The following HGD variants were observed in gnomAD, a reference collection of about 807,000 sequenced individuals.
HGD encodes homogentisate oxidase.
HGD carries 61 observed loss-of-function variants against 60.8 expected under a neutral mutation model. That is an observed-to-expected ratio of 1.00 (90% CI 0.82 to 1.24). The LOEUF is 1.24. Ranked by LOEUF, HGD falls within the 50% of genes most tolerant of loss-of-function variation. HGD has a pLI of 0.00. For missense variants in HGD, 542 were observed against 547.1 expected (o/e 0.99, Z 0.09); for synonymous variants, 212 against 187.7 (o/e 1.13, Z -1.06).
At chr3:120,634,284 A>G (rs1161449277) in intron 12 of HGD, among the ~76,000 whole-genome samples, 1 of 152,226 alleles carries the variant, frequency 6.6e-6, no homozygotes, top group Non-Finnish European at 1.5e-5. Flanking sequence ...AGAGTCACAC[A>G]AAATTTAACA....
chr3:120,628,228 C>T lies in HGD; in HGVS notation c.*152G>A, dbSNP rs542329785. On this transcript the variant is annotated 3_prime_UTR_variant, in exon 14 of 14. Transcript: ENST00000283871. ...TTAAGGTGACAGCCATAGAACTTTGCAAATGCGTTTCCATAAAAGTTCTGA... is the reference window on the plus strand; with the variant it reads ...TTAAGGTGACAGCCATAGAACTTTGTAAATGCGTTTCCATAAAAGTTCTGA... 3.6e-6 allele frequency: 3 copies of T among 828,936 alleles called. No individual in the cohort carries two copies. In the Admixed American group the frequency reaches 5.9e-5, roughly 16 times the overall value. 51.3% of individuals were successfully genotyped at this position (828,936 alleles called of 1,614,324 possible).
chr3:120,632,395 AAAAAT>A (rs1347353515), intron 13 of HGD, among the ~76,000 whole-genome samples: 2 of 152,258 alleles, frequency 1.3e-5, no homozygotes, highest in South Asian at 2.1e-4. Context: ...CGAAGAATGC[AAAAAT>A]AAAATAAAAT....
At position 120,628,255 on chromosome 3, in the gene HGD, T is replaced by C. The variant is rs1260556914; in HGVS notation, c.*125A>G. 7.4e-6 allele frequency: 8 copies of C among 1,078,562 alleles called. No homozygotes were observed. Among genetic ancestry groups the C allele is most frequent in the South Asian group, 1.3e-5 (1 of 77,684 alleles). 66.8% of individuals were successfully genotyped at this position (1,078,562 alleles called of 1,614,324 possible). ...AATGCGTTTCCATAAAAGTTCTGAG[T>C]TACTTGACTATGAAAAGTGAATTTT... On this transcript the variant is annotated 3_prime_UTR_variant, in exon 14 of 14. Coordinates refer to ENST00000283871, the MANE Select transcript of HGD (RefSeq NM_000187.4).
At chr3:120,648,818 A>C (rs1332601205) in intron 6 of HGD, among the ~76,000 whole-genome samples, 1 of 152,224 alleles carries the variant, frequency 6.6e-6, no homozygotes, top group Non-Finnish European at 1.5e-5. Context: ...TTGGCTCAGA[A>C]TACATCAATT....
chr3:120,670,345 C>T, intron 4 of HGD, 82 bp downstream of exon 4: 1 of 796,004 alleles, frequency 1.3e-6, no homozygotes, highest in Non-Finnish European at 2.3e-6. Flanking sequence ...CTATTTTTTC[C>T]AATGACCATG....
At chr3:120,675,061 A>C in intron 2 of HGD, 72 bp from the exon 3 acceptor site, 7 of 998,100 alleles carry the variant, frequency 7.0e-6, no homozygotes, top group South Asian at 1.3e-5. Context: ...CAACCAACTC[A>C]GTAGGGGGAT....
chr3:120,654,081 TC>T (rs901383393), intron 4 of HGD, among the ~76,000 whole-genome samples: 17 of 152,318 alleles, frequency 1.1e-4, no homozygotes, highest in African/African-American at 3.8e-4. Context: ...TAGGGGAAGT[TC>T]TGGTCTACCA....
At chr3:120,669,461 A>G (rs1234104391) in intron 4 of HGD, among the ~76,000 whole-genome samples, 1 of 151,294 alleles carries the variant, frequency 6.6e-6, no homozygotes, top group African/African-American at 2.4e-5. Flanking sequence ...ACACACACAC[A>G]CACACACACA....
At chr3:120,639,820 T>C (rs1328908440) in intron 11 of HGD, among the ~76,000 whole-genome samples, 2 of 152,146 alleles carry the variant, frequency 1.3e-5, no homozygotes, top group African/African-American at 4.8e-5. Flanking sequence ...GTAGTCTTCA[T>C]AGTGGTAGTG....
intron 13 of HGD, among the ~76,000 whole-genome samples, chr3:120,629,020 CT>C (rs1216351491): frequency 1.3e-5 from 2 of 152,080 alleles, no homozygotes; most frequent in Non-Finnish European, 2.9e-5. Flanking sequence ...TTGAGCCTGT[CT>C]TTTCAGGACT....
At chr3:120,681,326 G>T (rs372892885) in intron 1 of HGD, among the ~76,000 whole-genome samples, 2 of 152,328 alleles carry the variant, frequency 1.3e-5, no homozygotes, top group South Asian at 2.1e-4. Context: ...CACTAGGCAT[G>T]GTTTTAGATA....
rs1002024700 is a variant in HGD, at chr3:120,672,132, C to A, written c.177-1600G>T. Among the ~76,000 whole-genome samples the A allele has an allele frequency of 9.2e-5, 14 of 152,150 alleles. 1 individual carries two copies. The highest frequency in any genetic ancestry group is 7.2e-5 in the African/African-American group (3 of 41,436). ...CAAACCTGTGCATCCTGCACCTATA[C>A]CCTGGAACTTAAAATAAAATAAAAA... On this transcript the variant is annotated intron_variant, in intron 3 of 13. Coordinates refer to ENST00000283871, the MANE Select transcript of HGD (RefSeq NM_000187.4).
At chr3:120,667,074 C>A (rs962728724) in intron 4 of HGD, among the ~76,000 whole-genome samples, 1 of 151,806 alleles carries the variant, frequency 6.6e-6, no homozygotes, top group African/African-American at 2.4e-5. Context: ...CCTGTAATTC[C>A]AGCACTTTGG....
chr3:120,638,311 G>T, intron 12 of HGD, 144 bp downstream of exon 12: 1 of 972,776 alleles, frequency 1.0e-6, no homozygotes, highest in Non-Finnish European at 1.7e-6. Context: ...TTGGGGATCA[G>T]CACTAGGCCT....
chr3:120,650,851 C>G lies in HGD; in HGVS notation c.357G>C (p.Leu119Phe). The G allele has an allele frequency of 6.2e-7, 1 of 1,613,896 alleles. No homozygotes were observed. Among genetic ancestry groups the G allele is most frequent in the African/African-American group, 1.3e-5 (1 of 75,038 alleles). Residue 119 changes from leucine (L) to phenylalanine (F), a missense_variant, in exon 6 of 14, where the codon TTG becomes TTC. Coordinates refer to ENST00000283871, the MANE Select transcript of HGD (RefSeq NM_000187.4). The part of the protein sequence containing the change: ...KVDFVSGLHT[L>F]CGAGDIKSNN... ...TAGACTTTATGTCTCCAGCTCCACA[C>G]AAGGTATGCAGGCCCTGGGAGAGAC...
At chr3:120,677,348 C>A (rs1237214419) in intron 1 of HGD, among the ~76,000 whole-genome samples, 3 of 152,144 alleles carry the variant, frequency 2.0e-5, no homozygotes, top group Non-Finnish European at 4.4e-5. Context: ...TTCTTTTTCT[C>A]AGCATGGAAC....
chr3:120,646,066 A>C (rs1941148861), intron 9 of HGD, among the ~76,000 whole-genome samples: 1 of 152,178 alleles, frequency 6.6e-6, no homozygotes, highest in African/African-American at 2.4e-5. Context: ...TATTCTAGAG[A>C]GATTTATAAT....
intron 4 of HGD, among the ~76,000 whole-genome samples, chr3:120,655,567 G>T (rs1166699868): frequency 6.6e-6 from 1 of 152,202 alleles, no homozygotes; most frequent in Non-Finnish European, 1.5e-5. Context: ...ACTCACAAGA[G>T]AAAGCAGAGA....
chr3:120,635,320 A>G (rs538210430), intron 12 of HGD, among the ~76,000 whole-genome samples: 1 of 152,180 alleles, frequency 6.6e-6, no homozygotes, highest in South Asian at 2.1e-4. Context: ...TACTAAAAAT[A>G]CAAAAAATTA....
Sources: gnomAD v4.1 joint callset for allele counts (sites outside exome capture counted in the v4.1 genomes callset) on GRCh38, gnomAD v4.1.1 for gene constraint, MANE v1.5 for transcripts, NCBI Gene and HGNC (gene_info 2026-07-23, HGNC 2026-07-21) for gene names.